The following WIPF3 variants were observed in gnomAD, a reference collection of about 807,000 sequenced individuals.
WIPF3 encodes the protein WAS/WASL interacting protein family member 3, also known as WAS/WASL-interacting protein family member 3.
WIPF3 carries 33 observed loss-of-function variants against 38.9 expected under a neutral mutation model. The observed-to-expected ratio is 0.85, with a 90% CI of 0.64 to 1.14. The LOEUF (loss-of-function observed/expected upper bound fraction) is 1.14. Ranked by LOEUF, WIPF3 falls within the 50% of genes most tolerant of loss-of-function variation. The pLI, the probability that WIPF3 is intolerant of heterozygous loss-of-function variation, is 0.00. For synonymous variants in WIPF3, 324 were observed against 269.3 expected (o/e 1.20, Z -1.99); for missense variants, 711 against 652.5 (o/e 1.09, Z -0.98).
At chr7:29,848,451 TG>T (rs1247531057) in intron 2 of WIPF3, among the ~76,000 whole-genome samples, 1 of 152,190 alleles carries the variant, frequency 6.6e-6, no homozygotes, top group Admixed American at 6.5e-5. Flanking sequence ...GCAAGAATTC[TG>T]GATCACCTGA....
chr7:29,884,439 A>G lies in WIPF3; in HGVS notation c.945A>G (p.Gly315=). The part of the protein sequence containing the change: ...RASLPAPPLP[G]VNSSSETPPP... ...CTTTGCCCGCGCCCCCTTTGCCAGG[A>G]GTTAATAGCAGCAGTGAAACTCCAC... Residue 315 remains glycine (G), a synonymous_variant, in exon 5 of 9, where the codon GGA becomes GGG. Coordinates refer to ENST00000242140, the MANE Select transcript of WIPF3 (RefSeq NM_001080529.3). 2 of 1,344,370 alleles carry G rather than the reference A, an allele frequency of 1.5e-6. No homozygotes were observed. The highest frequency in any genetic ancestry group is 2.5e-5 in the South Asian group (2 of 80,280). 83.3% of individuals were successfully genotyped at this position (1,344,370 alleles called of 1,614,324 possible).
At chr7:29,881,653 T>TA (rs1562784825) in intron 4 of WIPF3, among the ~76,000 whole-genome samples, 2 of 151,808 alleles carry the variant, frequency 1.3e-5, no homozygotes, top group African/African-American at 4.8e-5. Context: ...CCTAGAGCTC[T>TA]AAGGGAGTGA....
chr7:29,889,306 A>G lies in WIPF3; in HGVS notation c.1250A>G (p.Asp417Gly), dbSNP rs1239046313. 3.1e-6 allele frequency: 5 copies of G among 1,613,306 alleles called. No individual in the cohort carries two copies. Among genetic ancestry groups the G allele is most frequent in the Non-Finnish European group, 4.2e-6 (5 of 1,179,436 alleles). ...CTCTTTCCATTTCGCTTGTGTGCAG[A>G]TGACTTCGAGTCTAAATTCACGTTC... ...QLRNGSLHII[D>G]DFESKFTFHS... The change falls in exon 7 of 9, where the codon GAT becomes GGT. Residue 417 changes from aspartate (D) to glycine (G), a missense_variant and splice_region_variant. Asp to Gly is a moderately conservative substitution (Grantham distance 94). Transcript: ENST00000242140.
chr7:29,904,429 A>G lies in WIPF3; in HGVS notation c.1428+67A>G, dbSNP rs550777214. On this transcript the variant is annotated intron_variant, in intron 8 of 8. Transcript: ENST00000242140. ...CTCCTCAGGAGGCACAGAAATGGTAAGGGTATGCTTTCTCCTAAACAGCTT... is the reference window on the plus strand; with the variant it reads ...CTCCTCAGGAGGCACAGAAATGGTAGGGGTATGCTTTCTCCTAAACAGCTT... 11 of 1,516,092 alleles carry G rather than the reference A, an allele frequency of 7.3e-6. 1 individual carries two copies. The African/African-American group carries it at 8.2e-5, about 11-fold the overall frequency. 93.9% of individuals were successfully genotyped at this position (1,516,092 alleles called of 1,614,324 possible).
intron 8 of WIPF3, chr7:29,904,689 G>T: frequency 4.0e-6 from 1 of 253,016 alleles, no homozygotes; most frequent in Non-Finnish European, 7.7e-6. Context: ...TGAATAACAT[G>T]TATAAAACAT....
At chr7:29,861,016 G>A (rs948687021) in intron 2 of WIPF3, among the ~76,000 whole-genome samples, 5 of 152,102 alleles carry the variant, frequency 3.3e-5, no homozygotes, top group Non-Finnish European at 7.3e-5. Context: ...GAGATGTTCA[G>A]CAGCCAGTTG....
At chr7:29,830,843 C>G (rs1271137714) in intron 1 of WIPF3, among the ~76,000 whole-genome samples, 1 of 152,108 alleles carries the variant, frequency 6.6e-6, no homozygotes, top group Non-Finnish European at 1.5e-5. Flanking sequence ...TGAGCACCTA[C>G]CGGGTGGGAG....
intron 2 of WIPF3, among the ~76,000 whole-genome samples, chr7:29,872,887 G>A (rs979322356): frequency 6.6e-6 from 1 of 151,138 alleles, no homozygotes; most frequent in East Asian, 1.9e-4. Flanking sequence ...CGACACTGGA[G>A]CAGAAGACAG....
intron 8 of WIPF3, chr7:29,906,000 AC>A (rs1200269537): frequency 6.6e-6 from 1 of 152,224 alleles, no homozygotes; most frequent in African/African-American, 2.4e-5. Flanking sequence ...TAGCACAGAG[AC>A]AGCCTACAAC....
At position 29,840,256 on chromosome 7, in the gene WIPF3, G is replaced by T. The variant is rs1200719384; in HGVS notation, c.90+5442G>T. On this transcript the variant is annotated intron_variant, in intron 2 of 8. Coordinates refer to ENST00000242140, the MANE Select transcript of WIPF3 (RefSeq NM_001080529.3). ...GGCCCACTCCATCCTGCATGGTCTG[G>T]CCCCTGCCTGTCTCTAAGACCTCCT... 2.6e-5 allele frequency among the ~76,000 whole-genome samples: 4 copies of T among 152,120 alleles called. No homozygotes were observed. In the East Asian group the frequency reaches 7.7e-4, roughly 29 times the overall value.
chr7:29,896,099 C>A (rs1255181372), intron 7 of WIPF3, among the ~76,000 whole-genome samples: 1 of 152,052 alleles, frequency 6.6e-6, no homozygotes, highest in Admixed American at 6.6e-5. Flanking sequence ...GGATGCAAGG[C>A]TTTCTTTTGG....
intron 2 of WIPF3, among the ~76,000 whole-genome samples, chr7:29,837,078 G>A (rs537172244): frequency 3.3e-5 from 5 of 152,060 alleles, no homozygotes; most frequent in African/African-American, 4.8e-5. Context: ...CATTTTGGCC[G>A]GGCATGGTGG....
In WIPF3 at chr7:29,910,203, A is replaced by G. The variant is rs139500761; in HGVS notation, c.1429-4290A>G. Among the ~76,000 whole-genome samples, 146 of 152,230 alleles carry G rather than the reference A, an allele frequency of 9.6e-4. 1 individual carries two copies. The highest frequency in any genetic ancestry group is 3.4e-3 in the African/African-American group (141 of 41,526). The stretch of plus-strand genomic sequence containing the variant: ...AACATCTCATGTACCCCATAAATAT[A>G]TACACCTACTATGTACCCACAAAAA... On this transcript the variant is annotated intron_variant, in intron 8 of 8. Transcript: ENST00000242140.
chr7:29,816,872 G>T (rs945860411), intron 1 of WIPF3, among the ~76,000 whole-genome samples: 1 of 152,118 alleles, frequency 6.6e-6, no homozygotes, highest in African/African-American at 2.4e-5. Context: ...TTTCTCACAC[G>T]TGAGAAAGAT....
chr7:29,866,807 C>T (rs1785395840), intron 2 of WIPF3, among the ~76,000 whole-genome samples: 1 of 152,250 alleles, frequency 6.6e-6, no homozygotes, highest in Admixed American at 6.5e-5. Flanking sequence ...TGTGAGGCAA[C>T]ATCTAGCCTG....
intron 2 of WIPF3, among the ~76,000 whole-genome samples, chr7:29,837,894 TTTTA>T (rs201812382): frequency 3.9e-5 from 6 of 152,134 alleles, no homozygotes; most frequent in African/African-American, 7.2e-5. Flanking sequence ...AGTGAGATAT[TTTTA>T]TTTATTTATT....
rs374070464 is a variant in WIPF3, at chr7:29,831,661, C to T, written c.-57-3007C>T. ...TAACACAATGGGAGTTTATTTTTCA[C>T]ATATGTAAAGTCTAATCAGGTGTTT... On this transcript the variant is annotated intron_variant, in intron 1 of 8. Transcript: ENST00000242140. 2.6e-4 allele frequency among the ~76,000 whole-genome samples: 39 copies of T among 152,310 alleles called. No individual in the cohort carries two copies. In the East Asian group the frequency reaches 4.6e-3, roughly 18 times the overall value.
intron 2 of WIPF3, among the ~76,000 whole-genome samples, chr7:29,856,702 T>C (rs1785192064): frequency 6.6e-6 from 1 of 152,234 alleles, no homozygotes; most frequent in Admixed American, 6.5e-5. Flanking sequence ...GTCATTCTTA[T>C]TTATTTGTTT....
At chr7:29,825,166 C>T (rs1206527913) in intron 1 of WIPF3, among the ~76,000 whole-genome samples, 5 of 152,078 alleles carry the variant, frequency 3.3e-5, no homozygotes, top group African/African-American at 1.2e-4. Context: ...TAAAATGGCT[C>T]ATTATTTTAT....
Sources: allele counts gnomAD v4.1 joint callset (sites outside exome capture counted in the v4.1 genomes callset), GRCh38; gene constraint gnomAD v4.1.1; transcripts MANE v1.5; gene names NCBI Gene and HGNC (gene_info 2026-07-23, HGNC 2026-07-21).